The following TCP11L2 variants were observed in gnomAD, a reference collection of about 807,000 sequenced individuals.
TCP11L2 encodes t-complex 11 like 2.
In TCP11L2, 39 loss-of-function variants were observed where a neutral mutation model predicts 50.7. The observed-to-expected ratio is 0.77, with a 90% confidence interval of 0.60 to 1.01. The LOEUF is 1.01. TCP11L2 is among the 50% of genes least tolerant of loss of function. The probability of loss-of-function intolerance (pLI) is 0.00; values close to 1 mark genes in which losing one functional copy is unlikely to be tolerated. For missense variants in TCP11L2, 612 were observed against 614.7 expected (o/e 1.00, Z 0.05); for synonymous variants, 192 against 219.3 (o/e 0.88, Z 1.10).
At chr12:106,304,894 A>T (rs558545211) in intron 1 of TCP11L2, among the ~76,000 whole-genome samples, 1 of 152,130 alleles carries the variant, frequency 6.6e-6, no homozygotes, top group Admixed American at 6.5e-5. Flanking sequence ...GGTGGTGAAG[A>T]ATTGTTTTGG....
At chr12:106,333,922 A>G (rs1344979492) in intron 6 of TCP11L2, among the ~76,000 whole-genome samples, 1 of 152,190 alleles carries the variant, frequency 6.6e-6, no homozygotes, top group African/African-American at 2.4e-5. Context: ...TCAAAAGCTC[A>G]GGAGAGAAGT....
intron 2 of TCP11L2, among the ~76,000 whole-genome samples, chr12:106,313,053 A>G (rs946091782): frequency 2.0e-5 from 3 of 152,190 alleles, no homozygotes; most frequent in South Asian, 2.1e-4. Flanking sequence ...TTCATTTACT[A>G]TTTCCTACTG....
At chr12:106,308,893 G>A (rs768482174) in intron 1 of TCP11L2, among the ~76,000 whole-genome samples, 8 of 152,168 alleles carry the variant, frequency 5.3e-5, no homozygotes, top group East Asian at 1.9e-4. Flanking sequence ...TATACTTGGC[G>A]CTGGTCATGG....
At chr12:106,346,230 T>A in intron 9 of TCP11L2, 56 bp from the exon 10 acceptor site, 2 of 1,528,002 alleles carry the variant, frequency 1.3e-6, no homozygotes, top group Non-Finnish European at 1.8e-6. Flanking sequence ...TTCTTGTTTT[T>A]AAAAATTATG....
intron 6 of TCP11L2, among the ~76,000 whole-genome samples, chr12:106,331,508 C>G (rs1440961401): frequency 6.6e-6 from 1 of 152,176 alleles, no homozygotes; most frequent in Non-Finnish European, 1.5e-5. Flanking sequence ...ACAATAATCC[C>G]CGTCTTTAAA....
At chr12:106,329,196 TTC>T in intron 6 of TCP11L2, 2 of 1,079,380 alleles carry the variant, frequency 1.9e-6, no homozygotes, top group Admixed American at 4.2e-5. Flanking sequence ...GACTAGGAAC[TTC>T]TCGAGTGCAG....
chr12:106,337,401 G>C (rs1001723623), intron 8 of TCP11L2, among the ~76,000 whole-genome samples: 5 of 152,194 alleles, frequency 3.3e-5, no homozygotes, highest in African/African-American at 9.7e-5. Flanking sequence ...GCCCTGATCT[G>C]ACCTTTCTCC....
Position 106,346,733 on chromosome 12 carries a change from A to T in TCP11L2, c.*203A>T, listed in dbSNP as rs2036245688. 2.0e-6 allele frequency: 1 copy of T among 499,048 alleles called. No homozygotes were observed. The highest frequency in any genetic ancestry group is 3.0e-5 in the East Asian group (1 of 32,830). The allele number at this position is 499,048 out of a possible 1,614,324, so 30.9% of individuals were successfully genotyped here. On this transcript the variant is annotated 3_prime_UTR_variant, in exon 10 of 10. Transcript: ENST00000299045. ...AAGACGTAAACATCACATAGACCCT[A>T]TTTGTGCATCATTTTCAAGTTTAAA...
intron 3 of TCP11L2, among the ~76,000 whole-genome samples, chr12:106,316,505 T>G (rs1258279115): frequency 6.6e-6 from 1 of 152,068 alleles, no homozygotes; most frequent in East Asian, 1.9e-4. Context: ...TTCCTCTGAC[T>G]TCTTCTTTTT....
chr12:106,335,441 A>C (rs1360523835), intron 6 of TCP11L2, among the ~76,000 whole-genome samples, 198 bp from the exon 7 acceptor site: 1 of 152,146 alleles, frequency 6.6e-6, no homozygotes, highest in African/African-American at 2.4e-5. Flanking sequence ...TCTTTCCCAC[A>C]ATTACTAGCA....
At position 106,321,844 on chromosome 12, in the gene TCP11L2, G is replaced by A. The variant is rs993118480; in HGVS notation, c.635+138G>A. The A allele has an allele frequency of 8.8e-5, 60 of 685,082 alleles. No individual in the cohort carries two copies. In the East Asian group the frequency reaches 1.6e-3, roughly 18 times the overall value. 42.4% of individuals were successfully genotyped at this position (685,082 alleles called of 1,614,324 possible). On this transcript the variant is annotated intron_variant, in intron 5 of 9. Transcript: ENST00000299045. ...CCTAGAAGAAAACCATATAAGCAGA[G>A]ACCATGTCAATTATTTACTGTATGC...
At chr12:106,308,701 T>A (rs1403660751) in intron 1 of TCP11L2, among the ~76,000 whole-genome samples, 1 of 152,170 alleles carries the variant, frequency 6.6e-6, no homozygotes, top group Non-Finnish European at 1.5e-5. Context: ...GACCTGAGAA[T>A]CTTGAGGTTT....
chr12:106,315,715 TC>T (rs147013012), intron 3 of TCP11L2, among the ~76,000 whole-genome samples: 10,054 of 152,288 alleles, frequency 0.066, 357 homozygotes, highest in African/African-American at 0.081. Context: ...AACCTCGCCC[TC>T]CGACCTCTAG....
chr12:106,325,506 AG>A (rs1296444071), intron 6 of TCP11L2: 4 of 152,292 alleles, frequency 2.6e-5, no homozygotes, highest in African/African-American at 9.7e-5. Flanking sequence ...TAAGTGGTCA[AG>A]AAAGACACAG....
At chr12:106,327,342 T>C (rs980302316) in intron 6 of TCP11L2, among the ~76,000 whole-genome samples, 10 of 152,150 alleles carry the variant, frequency 6.6e-5, no homozygotes, top group African/African-American at 2.4e-4. Flanking sequence ...TACAGGCATG[T>C]GCCACCACGC....
At chr12:106,305,990 C>G (rs140694686) in intron 1 of TCP11L2, among the ~76,000 whole-genome samples, 3 of 152,324 alleles carry the variant, frequency 2.0e-5, no homozygotes, top group Non-Finnish European at 4.4e-5. Context: ...GGGATGAACT[C>G]TTAAAAAGGA....
chr12:106,332,503 G>A (rs143346724), intron 6 of TCP11L2, among the ~76,000 whole-genome samples: 87 of 152,300 alleles, frequency 5.7e-4, no homozygotes, highest in African/African-American at 2.0e-3. Flanking sequence ...CATACAACTT[G>A]GATGGATGCT....
chr12:106,344,123 C>T (rs993583119), intron 9 of TCP11L2, among the ~76,000 whole-genome samples: 1 of 151,554 alleles, frequency 6.6e-6, no homozygotes, highest in African/African-American at 2.4e-5. Context: ...GTTTGAGACT[C>T]TCCTGGGCAA....
chr12:106,319,136 C>T (rs73388588), intron 4 of TCP11L2, among the ~76,000 whole-genome samples: 27,065 of 152,018 alleles, frequency 0.18, 2,356 homozygotes, highest in African/African-American at 0.18. Flanking sequence ...TGGTCTCGAT[C>T]TCCTGACCTC....
Sources: gnomAD v4.1 joint callset for allele counts (sites outside exome capture counted in the v4.1 genomes callset) on GRCh38, gnomAD v4.1.1 for gene constraint, MANE v1.5 for transcripts, NCBI Gene and HGNC (gene_info 2026-07-23, HGNC 2026-07-21) for gene names.